FKBP5: variants seen among roughly 807,000 people sequenced by gnomAD.
The protein encoded by FKBP5 is peptidyl-prolyl cis-trans isomerase FKBP5.
FKBP5 carries 23 observed loss-of-function variants against 50.5 expected under a neutral mutation model. That is an observed-to-expected ratio of 0.46 (90% CI 0.33 to 0.65). The LOEUF (loss-of-function observed/expected upper bound fraction) is 0.65. Among genes scored for constraint, FKBP5 ranks in the 30% least tolerant of loss-of-function variants. The pLI is 0.02. For missense variants in FKBP5, 411 were observed against 553.1 expected (o/e 0.74, Z 2.58); for synonymous variants, 176 against 190.6 (o/e 0.92, Z 0.63).
chr6:35,619,225 G>C lies in FKBP5; in HGVS notation c.394-15C>G. On this transcript the variant is annotated splice_polypyrimidine_tract_variant and intron_variant, in intron 4 of 10. Transcript: ENST00000357266. Reference sequence around the variant, plus strand: ...AGGAGCTCAATCTAGAAAGAAAAAAGGAATTCAGCTGAGAAAAGACCAAAT... The same window carrying C: ...AGGAGCTCAATCTAGAAAGAAAAAACGAATTCAGCTGAGAAAAGACCAAAT... 4 of 1,573,104 alleles carry C rather than the reference G, an allele frequency of 2.5e-6. No homozygotes were observed. Among genetic ancestry groups the C allele is most frequent in the South Asian group, 1.1e-5 (1 of 90,082 alleles).
At chr6:35,608,876 C>A (rs1275711558) in intron 5 of FKBP5, among the ~76,000 whole-genome samples, 2 of 152,238 alleles carry the variant, frequency 1.3e-5, no homozygotes, top group African/African-American at 4.8e-5. Context: ...TGGCTCACTG[C>A]CACCTCTGTC....
At chr6:35,717,628 T>C (rs1447407074) in intron 2 of FKBP5, among the ~76,000 whole-genome samples, 2 of 152,060 alleles carry the variant, frequency 1.3e-5, no homozygotes, top group East Asian at 3.9e-4. Flanking sequence ...AAACTCGGTG[T>C]TGTGGGCAGG....
At chr6:35,588,767 A>ATTT (rs758119749) in intron 7 of FKBP5, among the ~76,000 whole-genome samples, 1 of 135,710 alleles carries the variant, frequency 7.4e-6, no homozygotes, top group Non-Finnish European at 1.6e-5. Context: ...TGTCCAGCTA[A>ATTT]TTTTTTTTTT....
intron 1 of FKBP5, among the ~76,000 whole-genome samples, chr6:35,678,198 A>G (rs938732168): frequency 5.3e-5 from 8 of 152,310 alleles, no homozygotes; most frequent in Middle Eastern, 6.8e-3. Flanking sequence ...GGAGTCATTA[A>G]CAGCTGAAGA....
At chr6:35,596,824 T>C (rs1762996846) in intron 6 of FKBP5, among the ~76,000 whole-genome samples, 1 of 152,146 alleles carries the variant, frequency 6.6e-6, no homozygotes, top group Non-Finnish European at 1.5e-5. Flanking sequence ...GGACTCTGTA[T>C]AAGAACAAGT....
chr6:35,674,536 G>GT (rs773518316), intron 1 of FKBP5, among the ~76,000 whole-genome samples: 1 of 152,098 alleles, frequency 6.6e-6, no homozygotes, highest in African/African-American at 2.4e-5. Flanking sequence ...CAAACCTAGA[G>GT]TATCTCCCCT....
intron 1 of FKBP5, among the ~76,000 whole-genome samples, chr6:35,686,800 A>G (rs937551787): frequency 6.6e-6 from 1 of 151,746 alleles, no homozygotes; most frequent in Admixed American, 6.5e-5. Flanking sequence ...TAAAGATTTA[A>G]TAAGTTGCCT....
intron 8 of FKBP5, chr6:35,581,325 G>A (rs1158292980): frequency 5.1e-6 from 2 of 395,168 alleles, no homozygotes; most frequent in Non-Finnish European, 6.8e-6. Flanking sequence ...AAACGCTGGG[G>A]GCTGAGCACA....
chr6:35,677,134 C>T lies in FKBP5; in HGVS notation c.-20+11670G>A, dbSNP rs962067545. Among the ~76,000 whole-genome samples the T allele has an allele frequency of 3.9e-5, 6 of 152,136 alleles. No homozygotes were observed. The East Asian group carries it at 5.8e-4, about 15-fold the overall frequency. On this transcript the variant is annotated intron_variant, in intron 1 of 10. Coordinates refer to ENST00000357266, the MANE Select transcript of FKBP5 (RefSeq NM_004117.4). ...TGTCGCCCAGGCTGGAGTGCAGTGG[C>T]GCAATCTCGGCTCACTGCAAGCTCC... is the stretch of plus-strand genomic sequence containing the variant.
intron 8 of FKBP5, chr6:35,584,128 G>A (rs1762530125): frequency 3.0e-6 from 3 of 985,418 alleles, no homozygotes; most frequent in African/African-American, 1.7e-5. Flanking sequence ...TGTCAGCTAT[G>A]AGGGCAAAAA....
intron 5 of FKBP5, among the ~76,000 whole-genome samples, chr6:35,602,225 A>G (rs1763168235): frequency 6.6e-6 from 1 of 152,204 alleles, no homozygotes; most frequent in East Asian, 1.9e-4. Context: ...AAACCATGCA[A>G]TTTGTATTTT....
intron 3 of FKBP5, among the ~76,000 whole-genome samples, chr6:35,626,068 C>T (rs571236489): frequency 4.6e-5 from 7 of 152,180 alleles, no homozygotes; most frequent in Middle Eastern, 3.4e-3. Flanking sequence ...CGTGAGCCAC[C>T]GTGCCTGGCC....
At chr6:35,727,827 A>C (rs1442208467) in intron 1 of FKBP5, among the ~76,000 whole-genome samples, 4 of 152,062 alleles carry the variant, frequency 2.6e-5, no homozygotes, top group Non-Finnish European at 1.5e-5. Flanking sequence ...AGAGCTCCCC[A>C]CACCTGCTCC....
chr6:35,652,012 A>G (rs1256046244), intron 1 of FKBP5: 1 of 205,312 alleles, frequency 4.9e-6, no homozygotes, highest in Non-Finnish European at 9.1e-6. Flanking sequence ...GATTATGAAG[A>G]TTTTATGGAC....
At chr6:35,673,376 C>G (rs188626744) in intron 1 of FKBP5, among the ~76,000 whole-genome samples, 1 of 152,094 alleles carries the variant, frequency 6.6e-6, no homozygotes, top group East Asian at 1.9e-4. Flanking sequence ...AGAGTGAGAC[C>G]CCATCTCTAC....
At chr6:35,635,293 T>C (rs1471834020) in intron 3 of FKBP5, among the ~76,000 whole-genome samples, 3 of 151,936 alleles carry the variant, frequency 2.0e-5, no homozygotes, top group Non-Finnish European at 4.4e-5. Context: ...GCCGAGATGG[T>C]GCTACTACAC....
chr6:35,652,333 TA>T (rs1764826011), intron 1 of FKBP5, among the ~76,000 whole-genome samples: 1 of 152,232 alleles, frequency 6.6e-6, no homozygotes, highest in Non-Finnish European at 1.5e-5. Context: ...ATAAGAGAGA[TA>T]ACCTTAAACT....
chr6:35,714,318 G>T, intron 2 of FKBP5, among the ~76,000 whole-genome samples: 1 of 128,790 alleles, frequency 7.8e-6, no homozygotes. Flanking sequence ...CGGGCGTGGT[G>T]GCATGTGCCT....
chr6:35,587,099 T>A lies in FKBP5; in HGVS notation c.775A>T (p.Met259Leu). 6.2e-7 allele frequency: 1 copy of A among 1,614,074 alleles called. No homozygotes were observed. Among genetic ancestry groups the A allele is most frequent in the East Asian group, 2.2e-5 (1 of 44,870 alleles). ...TGCTCCAATTTTTCTTTGGTATCCA[T>A]CTCCCAGGATTCTTTGGCCTGTGTG... ...SFEKAKESWE[M>L]DTKEKLEQAA... Residue 259 changes from methionine (M) to leucine (L), a missense_variant, in exon 8 of 11, where the codon ATG becomes TTG. Around this residue, in one of 3 missense-constraint regions of FKBP5, gnomAD observed 267 missense variants for 405.9 expected, o/e 0.66. Transcript: ENST00000357266.
Sources: allele counts gnomAD v4.1 joint callset (sites outside exome capture counted in the v4.1 genomes callset), GRCh38; gene constraint gnomAD v4.1.1; regional missense constraint gnomAD v4.1.1; transcripts MANE v1.5; gene names NCBI Gene and HGNC (gene_info 2026-07-23, HGNC 2026-07-21).